Variants in SGTB observed in about 807,000 individuals in gnomAD.
The protein encoded by SGTB is small glutamine-rich tetratricopeptide repeat-containing protein beta.
A neutral mutation model predicts 43.9 loss-of-function variants in SGTB; 19 were observed. That is an observed-to-expected ratio of 0.43 (90% CI 0.30 to 0.63). The LOEUF is 0.63. Ranked by LOEUF, SGTB falls within the 30% of genes least tolerant of loss-of-function variation. The probability of loss-of-function intolerance (pLI) is 0.12; values close to 1 mark genes in which losing one functional copy is unlikely to be tolerated. For missense variants in SGTB, 304 were observed against 358.9 expected (o/e 0.85, Z 1.24); for synonymous variants, 116 against 117.3 (o/e 0.99, Z 0.07).
chr5:65,707,635 G>A (rs994382842), intron 4 of SGTB, among the ~76,000 whole-genome samples: 10 of 151,782 alleles, frequency 6.6e-5, no homozygotes, highest in African/African-American at 1.7e-4. Flanking sequence ...GGGTTTCACC[G>A]AGTTGGCCAG....
chr5:65,706,505 C>A (rs1415704560), intron 4 of SGTB, among the ~76,000 whole-genome samples: 1 of 152,026 alleles, frequency 6.6e-6, no homozygotes, highest in Non-Finnish European at 1.5e-5. Context: ...TGATAAAAGG[C>A]TTAACATATT....
At chr5:65,720,577 TC>T (rs755086839) in intron 2 of SGTB, 130 bp downstream of exon 2, 33 of 968,846 alleles carry the variant, frequency 3.4e-5, no homozygotes, top group Non-Finnish European at 4.7e-5. Flanking sequence ...AACCTTATAG[TC>T]AGGCCTCTCC....
Position 65,683,248 on chromosome 5 carries a change from T to G in SGTB, c.479+2120A>C, listed in dbSNP as rs551996314. The stretch of plus-strand genomic sequence containing the variant: ...AAAATGTAGCACTAAATAGACTGTT[T>G]CAGCATGAGAGCTGAAACAAAAAGA... On this transcript the variant is annotated intron_variant, in intron 6 of 10. Coordinates refer to ENST00000381007, the MANE Select transcript of SGTB (RefSeq NM_019072.3). 7.2e-5 allele frequency among the ~76,000 whole-genome samples: 11 copies of G among 152,012 alleles called. No homozygotes were observed. In the South Asian group the frequency reaches 2.1e-3, roughly 29 times the overall value.
At chr5:65,703,174 T>C (rs1757854750) in intron 5 of SGTB, among the ~76,000 whole-genome samples, 1 of 152,140 alleles carries the variant, frequency 6.6e-6, no homozygotes, top group African/African-American at 2.4e-5. Context: ...GGAAGCAACC[T>C]CCATGTCCAC....
intron 2 of SGTB, among the ~76,000 whole-genome samples, chr5:65,719,268 TC>T (rs1758207998): frequency 6.6e-6 from 1 of 152,194 alleles, no homozygotes; most frequent in South Asian, 2.1e-4. Flanking sequence ...TTTATTAAGT[TC>T]TTCCAAATGC....
At chr5:65,720,365 A>G (rs528746608) in intron 2 of SGTB, among the ~76,000 whole-genome samples, 1 of 152,226 alleles carries the variant, frequency 6.6e-6, no homozygotes, top group African/African-American at 2.4e-5. Context: ...TACAGGCATG[A>G]GCCACCAAGC....
chr5:65,683,387 G>T (rs1018380149), intron 6 of SGTB, among the ~76,000 whole-genome samples: 3 of 152,120 alleles, frequency 2.0e-5, no homozygotes, highest in Admixed American at 1.3e-4. Flanking sequence ...TTGATTTGGG[G>T]ATTACAAATT....
chr5:65,689,165 T>A (rs1210900986), intron 5 of SGTB, among the ~76,000 whole-genome samples: 1 of 152,238 alleles, frequency 6.6e-6, no homozygotes, highest in Admixed American at 6.5e-5. Context: ...TGCATATTCA[T>A]GCCTTCCCAA....
At chr5:65,690,080 GA>G (rs1261775349) in intron 5 of SGTB, among the ~76,000 whole-genome samples, 1 of 83,764 alleles carries the variant, frequency 1.2e-5, no homozygotes, top group African/African-American at 4.8e-5. Context: ...TAGAAAGAAA[GA>G]AAAAAAATCA....
Position 65,666,008 on chromosome 5 carries a change from C to G in SGTB, c.*4238G>C, listed in dbSNP as rs548758469. The G allele has an allele frequency of 6.6e-6, 1 of 152,516 alleles. No homozygotes were observed. The highest frequency in any genetic ancestry group is 6.5e-5 in the Admixed American group (1 of 15,278). The allele number at this position is 152,516 out of a possible 1,614,324, so 9.4% of individuals were successfully genotyped here. ...GAAAGCTATATTCAGAAGGTTTGCA[C>G]CTCAAAATTGAGTAATAATTAATGA... On this transcript the variant is annotated 3_prime_UTR_variant, in exon 11 of 11. Transcript: ENST00000381007.
At chr5:65,672,689 T>C (rs1757182553) in intron 8 of SGTB, among the ~76,000 whole-genome samples, 1 of 152,242 alleles carries the variant, frequency 6.6e-6, no homozygotes, top group Non-Finnish European at 1.5e-5. Context: ...ATCCTTCCCA[T>C]GCTTACAGTG....
At position 65,720,081 on chromosome 5, in the gene SGTB, CTTTT is replaced by C. The variant is rs11312137; in HGVS notation, c.100+623_100+626del. ...CGCTATTTGGTTTCATTTTCTTTTT[CTTTT>C]TTTTTTTTTTTTTTTGAGATAGGGT... is the stretch of plus-strand genomic sequence containing the variant. On this transcript the variant is annotated intron_variant, in intron 2 of 10. Transcript: ENST00000381007. 5.6e-5 allele frequency among the ~76,000 whole-genome samples: 7 copies of C among 124,964 alleles called. No individual in the cohort carries two copies. The East Asian group carries it at 8.9e-4, about 16-fold the overall frequency. The allele number at this position is 124,964 out of a possible 152,430, so 82.0% of individuals were successfully genotyped here.
chr5:65,691,793 T>C (rs1048710681), intron 5 of SGTB, among the ~76,000 whole-genome samples: 1 of 150,950 alleles, frequency 6.6e-6, no homozygotes, highest in African/African-American at 2.4e-5. Flanking sequence ...TAGCCGGGCG[T>C]GGTGGCGGGC....
At chr5:65,716,197 G>C (rs11750061) in intron 2 of SGTB, among the ~76,000 whole-genome samples, 62,047 of 152,162 alleles carry the variant, frequency 0.41, 14,433 homozygotes, top group Non-Finnish European at 0.5. Flanking sequence ...GAACCAGCCA[G>C]AGCAAAAGCC....
At chr5:65,722,524 C>G (rs878907570), upstream of SGTB, 1 of 985,002 alleles carries the variant, frequency 1.0e-6, no homozygotes, top group African/African-American at 1.7e-5. Flanking sequence ...TCCGACGCTC[C>G]CGGGACGCAC....
chr5:65,701,879 C>T lies in SGTB; in HGVS notation c.374+2400G>A, dbSNP rs565051440. Among the ~76,000 whole-genome samples, 337 of 152,288 alleles carry T rather than the reference C, an allele frequency of 2.2e-3. 3 individuals are homozygous for T. Among genetic ancestry groups the T allele is most frequent in the African/African-American group, 8.0e-3 (331 of 41,570 alleles). On this transcript the variant is annotated intron_variant, in intron 5 of 10. Coordinates refer to ENST00000381007, the MANE Select transcript of SGTB (RefSeq NM_019072.3). ...CGATCTCCTGACCTCGTGATCCGCC[C>T]GCGTCGGCGTCCCAAAGTGCTGGGA...
chr5:65,712,544 T>C (rs1758063710), intron 3 of SGTB, among the ~76,000 whole-genome samples: 1 of 152,224 alleles, frequency 6.6e-6, no homozygotes, highest in Non-Finnish European at 1.5e-5. Context: ...GACGATTCAA[T>C]TCCAGAGGAA....
At chr5:65,690,685 T>A (rs1161853855) in intron 5 of SGTB, among the ~76,000 whole-genome samples, 1 of 152,188 alleles carries the variant, frequency 6.6e-6, no homozygotes, top group African/African-American at 2.4e-5. Flanking sequence ...TTACTAATCA[T>A]CCTTTTAAAT....
intron 5 of SGTB, among the ~76,000 whole-genome samples, chr5:65,696,894 C>T (rs1303854781): frequency 1.3e-5 from 2 of 152,034 alleles, no homozygotes; most frequent in African/African-American, 4.8e-5. Context: ...AAGAAATGTG[C>T]CAGATGATCA....
Sources: gnomAD v4.1 joint callset for allele counts (sites outside exome capture counted in the v4.1 genomes callset) on GRCh38, gnomAD v4.1.1 for gene constraint, MANE v1.5 for transcripts, NCBI Gene and HGNC (gene_info 2026-07-23, HGNC 2026-07-21) for gene names.